Variants in ZFAND6 observed in about 807,000 individuals in gnomAD.
ZFAND6 encodes zinc finger AN1-type containing 6.
ZFAND6 carries 12 observed loss-of-function variants against 24.5 expected under a neutral mutation model. That is an observed-to-expected ratio of 0.49 (90% confidence interval 0.31 to 0.79). The LOEUF is 0.79. Ranked by LOEUF, ZFAND6 falls within the 30% of genes least tolerant of loss-of-function variation. The pLI is 0.04. For synonymous variants in ZFAND6, 92 were observed against 81.5 expected (o/e 1.13, Z -0.69); for missense variants, 207 against 245.9 (o/e 0.84, Z 1.06).
At chr15:80,132,954 AAG>A (rs1491027377) in intron 6 of ZFAND6, among the ~76,000 whole-genome samples, 1 of 151,722 alleles carries the variant, frequency 6.6e-6, no homozygotes, top group Non-Finnish European at 1.5e-5. Flanking sequence ...AAAAAAAAAA[AAG>A]GAAATTTGTG....
chr15:80,112,573 T>G (rs1452685606), intron 2 of ZFAND6, among the ~76,000 whole-genome samples: 2 of 152,116 alleles, frequency 1.3e-5, no homozygotes, highest in Admixed American at 6.5e-5. Flanking sequence ...GATTTTTGTA[T>G]TTTTAGTAGA....
At position 80,106,008 on chromosome 15, in the gene ZFAND6, A is replaced by G. The variant is rs569941823; in HGVS notation, c.-18+7430A>G. Among the ~76,000 whole-genome samples, 61 of 152,330 alleles carry G rather than the reference A, an allele frequency of 4.0e-4. 1 individual carries two copies. In the South Asian group the frequency reaches 8.3e-3, roughly 21 times the overall value. ...GGAGTTAGATGTGATGTTTGTGCAG[A>G]TACGTGAAAATCAGACATTAGTATT... On this transcript the variant is annotated intron_variant, in intron 2 of 6. Coordinates refer to ENST00000261749, the MANE Select transcript of ZFAND6 (RefSeq NM_019006.4).
intron 2 of ZFAND6, among the ~76,000 whole-genome samples, chr15:80,109,470 A>C (rs2039499087): frequency 6.6e-6 from 1 of 152,200 alleles, no homozygotes; most frequent in South Asian, 2.1e-4. Context: ...AAGGAGGTGA[A>C]GAACCTAGTC....
chr15:80,127,785 C>CT (rs1467062149), intron 5 of ZFAND6, among the ~76,000 whole-genome samples: 2 of 152,096 alleles, frequency 1.3e-5, no homozygotes, highest in Non-Finnish European at 2.9e-5. Context: ...GGAAAACAAT[C>CT]TCCTAGCTCC....
intron 1 of ZFAND6, among the ~76,000 whole-genome samples, chr15:80,070,478 T>C (rs1359292922): frequency 2.0e-5 from 3 of 152,238 alleles, no homozygotes; most frequent in African/African-American, 7.2e-5. Context: ...TGTTGTTTTC[T>C]GCTGCTGCTG....
intron 1 of ZFAND6, among the ~76,000 whole-genome samples, chr15:80,082,663 C>T (rs1010317583): frequency 6.6e-6 from 1 of 152,172 alleles, no homozygotes; most frequent in African/African-American, 2.4e-5. Context: ...GAAAGATTGA[C>T]AGATGGATAT....
intron 1 of ZFAND6, among the ~76,000 whole-genome samples, chr15:80,078,939 C>T (rs961588773): frequency 4.6e-5 from 7 of 150,734 alleles, no homozygotes; most frequent in Admixed American, 2.0e-4. Context: ...GCACAGTGTG[C>T]GGGTTAGTTA....
chr15:80,131,369 A>G (rs2040595231), intron 6 of ZFAND6, 76 bp downstream of exon 6: 5 of 1,242,464 alleles, frequency 4.0e-6, no homozygotes, highest in African/African-American at 1.5e-5. Flanking sequence ...GTTGACTTCA[A>G]TTAAGATTGT....
chr15:80,072,369 CTG>C (rs1251521369), intron 1 of ZFAND6, among the ~76,000 whole-genome samples: 2 of 152,034 alleles, frequency 1.3e-5, no homozygotes, highest in African/African-American at 4.8e-5. Context: ...GATGGGAAAA[CTG>C]AAACCTTATG....
chr15:80,092,326 G>GAAA (rs373513444), intron 1 of ZFAND6, among the ~76,000 whole-genome samples: 1 of 103,606 alleles, frequency 9.7e-6, no homozygotes, highest in African/African-American at 3.6e-5. Context: ...ATCTCTACAG[G>GAAA]AAAAAAAAAA....
intron 2 of ZFAND6, among the ~76,000 whole-genome samples, chr15:80,107,015 C>A (rs1184561823): frequency 6.6e-6 from 1 of 152,006 alleles, no homozygotes; most frequent in Non-Finnish European, 1.5e-5. Context: ...GAGTTCAAGA[C>A]CAGCCTGATG....
intron 6 of ZFAND6, among the ~76,000 whole-genome samples, chr15:80,132,101 A>G (rs1028361519): frequency 6.6e-6 from 1 of 152,238 alleles, no homozygotes; most frequent in Non-Finnish European, 1.5e-5. Context: ...ACTGCAGTCC[A>G]ACAGGAATAA....
intron 1 of ZFAND6, among the ~76,000 whole-genome samples, chr15:80,073,036 AT>A (rs1261801501): frequency 6.6e-6 from 1 of 151,966 alleles, no homozygotes; most frequent in Admixed American, 6.6e-5. Context: ...TGAAAGATAA[AT>A]GTGATAGGCT....
rs533680456 is a variant in ZFAND6 at position 80,066,613 on chromosome 15, G to T, written c.-181+6804G>T. ...CAGGCGTGAGCCACCACGCCCAGCC[G>T]AAATGACTAAGTTTTTTTGGGAAAA... is the stretch of plus-strand genomic sequence containing the variant. On this transcript the variant is annotated intron_variant, in intron 1 of 6. Transcript: ENST00000261749. Among the ~76,000 whole-genome samples the T allele has an allele frequency of 8.6e-5, 13 of 151,102 alleles. No homozygotes were observed. The South Asian group carries it at 2.6e-3, about 30-fold the overall frequency.
At chr15:80,128,482 T>C (rs2040463930) in intron 5 of ZFAND6, among the ~76,000 whole-genome samples, 1 of 152,186 alleles carries the variant, frequency 6.6e-6, no homozygotes, top group African/African-American at 2.4e-5. Flanking sequence ...AAACTAAAGC[T>C]AGAAAGGTTG....
intron 1 of ZFAND6, among the ~76,000 whole-genome samples, chr15:80,074,468 G>A (rs554081664): frequency 6.6e-6 from 1 of 151,874 alleles, no homozygotes; most frequent in East Asian, 1.9e-4. Flanking sequence ...AGTAGTGCCA[G>A]TTAACATTAG....
intron 2 of ZFAND6, among the ~76,000 whole-genome samples, chr15:80,114,106 C>CT (rs1045719759): frequency 6.6e-6 from 1 of 152,164 alleles, no homozygotes; most frequent in African/African-American, 2.4e-5. Flanking sequence ...AAAAGACCCT[C>CT]TGCTTTTAGG....
At chr15:80,094,333 C>T (rs1432269780) in intron 1 of ZFAND6, among the ~76,000 whole-genome samples, 1 of 152,182 alleles carries the variant, frequency 6.6e-6, no homozygotes, top group Admixed American at 6.5e-5. Context: ...AGATCAGCAA[C>T]ACTGGATTCT....
At chr15:80,058,996 AC>A (rs35440048), upstream of ZFAND6, among the ~76,000 whole-genome samples, 1 of 152,214 alleles carries the variant, frequency 6.6e-6, no homozygotes, top group African/African-American at 2.4e-5. Flanking sequence ...GTGGGAACTG[AC>A]CCCGTGCTTT....
Sources: gnomAD v4.1 joint callset for allele counts (sites outside exome capture counted in the v4.1 genomes callset) on GRCh38, gnomAD v4.1.1 for gene constraint, MANE v1.5 for transcripts, NCBI Gene and HGNC (gene_info 2026-07-23, HGNC 2026-07-21) for gene names.